DOT1L: variants seen among roughly 807,000 people sequenced by gnomAD.
DOT1L encodes DOT1 like histone lysine methyltransferase, also known as histone-lysine N-methyltransferase, H3 lysine-79 specific.
DOT1L carries 33 observed loss-of-function variants against 153.3 expected under a neutral mutation model. The observed-to-expected ratio is 0.22, with a 90% CI of 0.16 to 0.29. The LOEUF (loss-of-function observed/expected upper bound fraction) is 0.29. Ranked by LOEUF, DOT1L falls within the 10% of genes least tolerant of loss-of-function variation. The probability of loss-of-function intolerance (pLI) is 1.00; values close to 1 mark genes in which losing one functional copy is unlikely to be tolerated. For missense variants in DOT1L, 1,847 were observed against 2,119.9 expected (o/e 0.87, Z 2.53); for synonymous variants, 1,135 against 965.1 (o/e 1.18, Z -3.26).
Position 2,210,838 on chromosome 19 carries a change from C to A in DOT1L, c.1334C>A (p.Ala445Glu), listed in dbSNP as rs753115153. 1.9e-6 allele frequency: 3 copies of A among 1,612,506 alleles called. No homozygotes were observed. In the Admixed American group the frequency reaches 5.0e-5, roughly 27 times the overall value. The stretch of plus-strand genomic sequence containing the variant: ...CACGCTCAGACCGTGTCTCAGACGG[C>A]GGCCTCCTCACCCCAGGGTGAGCCG... ...ALHAQTVSQT[A>E]ASSPQDAYRS... The change falls in exon 14 of 28, where the codon GCG becomes GAG. Residue 445 changes from alanine to glutamate, a missense_variant. Around this residue, in one of 8 missense-constraint regions of DOT1L, gnomAD observed 205 missense variants for 203.1 expected, o/e 1.01. Coordinates refer to ENST00000398665, the MANE Select transcript of DOT1L (RefSeq NM_032482.3).
In DOT1L at chr19:2,193,615, T is replaced by A. The variant is rs1330888562; in HGVS notation, c.494-74T>A. On this transcript the variant is annotated intron_variant, in intron 5 of 27. Transcript: ENST00000398665. The surrounding 1 kb of genome is among the most constrained non-coding windows in gnomAD (Gnocchi z 5.9). ...CATGGCCGCATTCTTGTGGCCTCTG[T>A]CTCCGAGCCTAGCACGGCCTCCCGG... is the stretch of plus-strand genomic sequence containing the variant. The A allele has an allele frequency of 2.7e-6, 4 of 1,463,022 alleles. No homozygotes were observed. Among genetic ancestry groups the A allele is most frequent in the African/African-American group, 2.8e-5 (2 of 71,996 alleles). 90.6% of individuals were successfully genotyped at this position (1,463,022 alleles called of 1,614,324 possible).
intron 1 of DOT1L, among the ~76,000 whole-genome samples, chr19:2,169,104 C>G (rs549226248): frequency 6.6e-6 from 1 of 152,248 alleles, no homozygotes; most frequent in East Asian, 1.9e-4. Flanking sequence ...CTCTGACTCT[C>G]ATTAATGAGT....
rs2144981715 is a variant in DOT1L, at chr19:2,232,320, A to T, written c.*2528A>T. The stretch of plus-strand genomic sequence containing the variant: ...GCCCCCAGGATGCGTCAGTCTGTTC[A>T]GTGGTCAGCAGGCCCCCCACCCCCC... On this transcript the variant is annotated 3_prime_UTR_variant, in exon 28 of 28. Transcript: ENST00000398665. 1 of 211,280 alleles carries T rather than the reference A, an allele frequency of 4.7e-6. No homozygotes were observed. The highest frequency in any genetic ancestry group is 1.9e-4 in the South Asian group (1 of 5,318). The allele number at this position is 211,280 out of a possible 1,614,324, so 13.1% of individuals were successfully genotyped here. A position where few individuals can be genotyped will look rare whatever the true frequency, so the allele number is the denominator to read the frequency against.
chr19:2,218,653 A>C (rs1293479982), intron 22 of DOT1L, among the ~76,000 whole-genome samples: 1 of 151,464 alleles, frequency 6.6e-6, no homozygotes, highest in Non-Finnish European at 1.5e-5. Flanking sequence ...TGGGCCTCCC[A>C]AAGTGCTGGG....
chr19:2,216,056 A>G, intron 19 of DOT1L: 1 of 533,774 alleles, frequency 1.9e-6, no homozygotes, highest in Non-Finnish European at 3.3e-6. Context: ...TTTTTGAAGA[A>G]GGTGCTTCCA....
chr19:2,164,316 G>T, intron 1 of DOT1L, 51 bp downstream of exon 1: 1 of 1,206,980 alleles, frequency 8.3e-7, no homozygotes. Flanking sequence ...CTCCTCCGCC[G>T]CCCCTGGGGA....
chr19:2,228,020 T>TC (rs1444901534), intron 27 of DOT1L: 1 of 1,198,218 alleles, frequency 8.3e-7, no homozygotes, highest in Admixed American at 2.8e-5. Context: ...CCTTGCCTCC[T>TC]CCCCCAACGC....
rs1156968869 is a variant in DOT1L at position 2,229,458 on chromosome 19, G to A, written c.4607-327G>A. 7.1e-6 allele frequency: 7 copies of A among 985,310 alleles called. No individual in the cohort carries two copies. The South Asian group carries it at 1.4e-4, about 20-fold the overall frequency. The allele number at this position is 985,310 out of a possible 1,614,324, so 61.0% of individuals were successfully genotyped here. ...GCTGGTCAGCCTGGCGGGTCAATGCGGGCACCTGCGGGCTGGACAAGCTAT... is the reference window on the plus strand; with the variant it reads ...GCTGGTCAGCCTGGCGGGTCAATGCAGGCACCTGCGGGCTGGACAAGCTAT... On this transcript the variant is annotated intron_variant, in intron 27 of 27. Coordinates refer to ENST00000398665, the MANE Select transcript of DOT1L (RefSeq NM_032482.3).
At chr19:2,216,162 C>G (rs1239431977) in intron 19 of DOT1L, 119 bp from the exon 20 acceptor site, 1 of 1,427,248 alleles carries the variant, frequency 7.0e-7, no homozygotes, top group Non-Finnish European at 9.3e-7. Context: ...TTTGGTTTTT[C>G]CATCCCACAC....
At chr19:2,189,866 T>C in intron 4 of DOT1L, 71 bp downstream of exon 4, 1 of 1,536,098 alleles carries the variant, frequency 6.5e-7, no homozygotes. Flanking sequence ...ACCCCTTATG[T>C]CACCGCCTCG....
At chr19:2,187,402 T>C (rs977204782) in intron 3 of DOT1L, among the ~76,000 whole-genome samples, 4 of 152,310 alleles carry the variant, frequency 2.6e-5, no homozygotes, top group Admixed American at 2.6e-4. Flanking sequence ...GGGATGGGCT[T>C]AGCCAAGGCT....
intron 2 of DOT1L, among the ~76,000 whole-genome samples, chr19:2,183,024 G>A (rs1291984443): frequency 2.0e-5 from 3 of 152,138 alleles, no homozygotes; most frequent in African/African-American, 4.8e-5. Flanking sequence ...GCTTTCTCCC[G>A]TGCATCCCCA....
chr19:2,217,189 G>C lies in DOT1L; in HGVS notation c.2544+99G>C, dbSNP rs1313922414. On this transcript the variant is annotated intron_variant, in intron 21 of 27. Coordinates refer to ENST00000398665, the MANE Select transcript of DOT1L (RefSeq NM_032482.3). This position sits in a 1 kb window ranked among gnomAD's most constrained non-coding sequence, Gnocchi z 7.3. The stretch of plus-strand genomic sequence containing the variant: ...AGGGCTTGTCCTAGTTGACCTTGGG[G>C]CACGGTGAGGTACTGGGGCTGACCT... 9.8e-6 allele frequency: 14 copies of C among 1,431,842 alleles called. No individual in the cohort carries two copies. The highest frequency in any genetic ancestry group is 1.2e-5 in the Non-Finnish European group (13 of 1,089,526). The allele number at this position is 1,431,842 out of a possible 1,614,324, so 88.7% of individuals were successfully genotyped here. A position where few individuals can be genotyped will look rare whatever the true frequency, so the allele number is the denominator to read the frequency against.
chr19:2,226,101 C>G (rs1054830022), intron 26 of DOT1L, 82 bp from the exon 27 acceptor site: 1 of 1,423,692 alleles, frequency 7.0e-7, no homozygotes, highest in Non-Finnish European at 9.3e-7. Context: ...TTGCCCGGGC[C>G]GTGGCAGCAG....
At chr19:2,188,484 C>G (rs1485252826) in intron 3 of DOT1L, among the ~76,000 whole-genome samples, 2 of 124,740 alleles carry the variant, frequency 1.6e-5, no homozygotes, top group Admixed American at 7.4e-5. Flanking sequence ...GCCGCCGCCC[C>G]CCCCCCCCCC....
In DOT1L at chr19:2,230,743, G is replaced by A. The variant is rs991593249; in HGVS notation, c.*951G>A. On this transcript the variant is annotated 3_prime_UTR_variant, in exon 28 of 28. Transcript: ENST00000398665. Reference sequence around the variant, plus strand: ...TGCACAGTGAAGAGGAAAGAAAAGCGAGGGGAAAAAACCTTATTTATTCAA... The same window carrying A: ...TGCACAGTGAAGAGGAAAGAAAAGCAAGGGGAAAAAACCTTATTTATTCAA... 2.8e-5 allele frequency: 11 copies of A among 397,434 alleles called. No homozygotes were observed. The highest frequency in any genetic ancestry group is 1.2e-4 in the African/African-American group (6 of 48,612). The allele number at this position is 397,434 out of a possible 1,614,324, so 24.6% of individuals were successfully genotyped here. A position where few individuals can be genotyped will look rare whatever the true frequency, so the allele number is the denominator to read the frequency against.
In DOT1L at chr19:2,230,571, C is replaced by T. The variant is rs1378030826; in HGVS notation, c.*779C>T. ...CGGCTGTCCATGGCTCGCAGCATGC[C>T]CTGCGATGCGGGGCAGGCCTGTCGT... On this transcript the variant is annotated 3_prime_UTR_variant, in exon 28 of 28. Coordinates refer to ENST00000398665, the MANE Select transcript of DOT1L (RefSeq NM_032482.3). 2 of 398,566 alleles carry T rather than the reference C, an allele frequency of 5.0e-6. No homozygotes were observed. The highest frequency in any genetic ancestry group is 4.4e-6 in the Non-Finnish European group (1 of 226,110). 24.7% of individuals were successfully genotyped at this position (398,566 alleles called of 1,614,324 possible). A position where few individuals can be genotyped will look rare whatever the true frequency, so the allele number is the denominator to read the frequency against.
chr19:2,216,895 G>T (rs148762998), intron 20 of DOT1L, 60 bp from the exon 21 acceptor site: 32,659 of 1,570,070 alleles, frequency 0.021, 484 homozygotes, highest in Middle Eastern at 0.059. Flanking sequence ...GCTGGGCCAG[G>T]CCGCTGCCTC....
intron 18 of DOT1L, 75 bp downstream of exon 18, chr19:2,214,061 G>A: frequency 6.5e-7 from 1 of 1,530,030 alleles, no homozygotes; most frequent in South Asian, 1.2e-5. Flanking sequence ...CTCTGTGCGG[G>A]TGGGAGGCTC....
Sources: gnomAD v4.1 joint callset for allele counts (sites outside exome capture counted in the v4.1 genomes callset) on GRCh38, gnomAD v4.1.1 for gene constraint, gnomAD v4.1.1 regional missense constraint, Gnocchi (gnomAD v3.1) non-coding constraint, MANE v1.5 for transcripts, NCBI Gene and HGNC (gene_info 2026-07-23, HGNC 2026-07-21) for gene names.